Variants in SPATA16 observed in about 807,000 individuals in gnomAD.
SPATA16 encodes the protein spermatogenesis associated 16, also known as spermatogenesis-associated protein 16.
A neutral mutation model predicts 63.3 loss-of-function variants in SPATA16; 36 were observed. That is an observed-to-expected ratio of 0.57 (90% confidence interval 0.44 to 0.75). The LOEUF is 0.75. Ranked by LOEUF, SPATA16 falls within the 30% of genes least tolerant of loss-of-function variation. The pLI is 0.00. For missense variants in SPATA16, 646 were observed against 679.3 expected (o/e 0.95, Z 0.54); for synonymous variants, 203 against 216.7 (o/e 0.94, Z 0.56).
intron 6 of SPATA16, among the ~76,000 whole-genome samples, chr3:172,935,008 T>C (rs904641737): frequency 6.6e-6 from 1 of 151,916 alleles, no homozygotes; most frequent in African/African-American, 2.4e-5. Flanking sequence ...AGACCTGAAA[T>C]AAAAATGAGA....
chr3:172,905,146 C>A (rs1732206274), intron 10 of SPATA16, among the ~76,000 whole-genome samples: 1 of 152,138 alleles, frequency 6.6e-6, no homozygotes, highest in African/African-American at 2.4e-5. Context: ...TTGGAGCACA[C>A]ACACTGTAAA....
intron 6 of SPATA16, among the ~76,000 whole-genome samples, chr3:172,943,556 A>G (rs908634954): frequency 7.2e-5 from 11 of 152,302 alleles, no homozygotes; most frequent in African/African-American, 2.6e-4. Flanking sequence ...CCTGGCCAAC[A>G]TGGTGAAACC....
intron 5 of SPATA16, among the ~76,000 whole-genome samples, chr3:172,970,144 G>C (rs1734015308): frequency 6.6e-6 from 1 of 152,154 alleles, no homozygotes; most frequent in Admixed American, 6.5e-5. Flanking sequence ...AATTGAGTCA[G>C]CTTTGGAACT....
chr3:172,976,898 C>G, intron 5 of SPATA16, 70 bp downstream of exon 5: 1 of 1,249,148 alleles, frequency 8.0e-7, no homozygotes, highest in Non-Finnish European at 1.2e-6. Context: ...GTCTTTTAAG[C>G]ACCAATCTTT....
At chr3:172,940,672 T>G (rs919334330) in intron 6 of SPATA16, among the ~76,000 whole-genome samples, 1 of 152,182 alleles carries the variant, frequency 6.6e-6, no homozygotes, top group Admixed American at 6.5e-5. Flanking sequence ...CATGTACCTC[T>G]GAACTTAAAA....
At chr3:172,961,048 CTTCTTTCTTTCTTTCTT>C (rs1733758095) in intron 5 of SPATA16, among the ~76,000 whole-genome samples, 2 of 66,024 alleles carry the variant, frequency 3.0e-5, no homozygotes, top group South Asian at 5.2e-4. Context: ...TTCTTTCTTT[CTTCTTTCTTTCTTTCTT>C]CTTTCTTCCT....
intron 10 of SPATA16, among the ~76,000 whole-genome samples, chr3:172,891,289 G>A (rs376102575): frequency 2.0e-5 from 3 of 152,076 alleles, no homozygotes; most frequent in Admixed American, 6.6e-5. Flanking sequence ...TATCCATTAG[G>A]TATCTGCTGT....
Position 173,044,222 on chromosome 3 carries a change from G to C in SPATA16, c.758+4727C>G, listed in dbSNP as rs1735907515. Reference sequence around the variant, plus strand: ...TGAGACTTCAATTACATGTATGTTAGATTTCTTGTTACTATCCCTGAGGAC... The same window carrying C: ...TGAGACTTCAATTACATGTATGTTACATTTCTTGTTACTATCCCTGAGGAC... On this transcript the variant is annotated intron_variant, in intron 3 of 10. Coordinates refer to ENST00000351008, the MANE Select transcript of SPATA16 (RefSeq NM_031955.6). 2.0e-5 allele frequency among the ~76,000 whole-genome samples: 3 copies of C among 151,896 alleles called. No homozygotes were observed. The South Asian group carries it at 6.2e-4, about 32-fold the overall frequency.
chr3:173,041,314 A>T (rs934317646), intron 3 of SPATA16, among the ~76,000 whole-genome samples: 1 of 152,168 alleles, frequency 6.6e-6, no homozygotes, highest in African/African-American at 2.4e-5. Context: ...CTGTTTGCTT[A>T]TTTAATTGGA....
At chr3:173,026,152 C>A (rs1024055104) in intron 3 of SPATA16, among the ~76,000 whole-genome samples, 8 of 151,704 alleles carry the variant, frequency 5.3e-5, no homozygotes, top group Admixed American at 3.9e-4. Flanking sequence ...GATGGTATCT[C>A]ATTGTGGCTT....
At chr3:172,959,940 A>C (rs1484861060) in intron 5 of SPATA16, among the ~76,000 whole-genome samples, 1 of 151,302 alleles carries the variant, frequency 6.6e-6, no homozygotes, top group East Asian at 1.9e-4. Flanking sequence ...AGATACCAAA[A>C]GATTAAATTT....
In SPATA16 at chr3:173,023,137, A is replaced by ATGTGTTTGTGTGTG. The variant is rs1553794209; in HGVS notation, c.759-3563_759-3562insCACACACAAACACA. Among the ~76,000 whole-genome samples the ATGTGTTTGTGTGTG allele has an allele frequency of 1.8e-3, 245 of 139,960 alleles. 1 individual carries two copies. The highest frequency in any genetic ancestry group is 6.0e-3 in the African/African-American group (230 of 38,054). The allele number at this position is 139,960 out of a possible 152,430, so 91.8% of individuals were successfully genotyped here. On this transcript the variant is annotated intron_variant, in intron 3 of 10. Transcript: ENST00000351008. Reference sequence around the variant, plus strand: ...AGTTCACATGATTTGATGCTTGTGTATGTGTGTGTGTGTGTGTGTGTGTGT... The same window carrying ATGTGTTTGTGTGTG: ...AGTTCACATGATTTGATGCTTGTGTATGTGTTTGTGTGTGTGTGTGTGTGTGTGTGTGTGTGTGT...
At chr3:172,915,756 A>G (rs1247980301) in intron 9 of SPATA16, among the ~76,000 whole-genome samples, 1 of 151,902 alleles carries the variant, frequency 6.6e-6, no homozygotes, top group South Asian at 2.1e-4. Flanking sequence ...TTCTGAATAA[A>G]CTCATCAGTT....
intron 10 of SPATA16, among the ~76,000 whole-genome samples, chr3:172,900,673 C>A (rs1732108985): frequency 6.6e-6 from 1 of 151,784 alleles, no homozygotes; most frequent in Non-Finnish European, 1.5e-5. Context: ...TGGAGTCTCA[C>A]ACTGTTGCCC....
intron 1 of SPATA16, among the ~76,000 whole-genome samples, chr3:173,140,843 G>T (rs1447308531): frequency 6.6e-6 from 1 of 152,208 alleles, no homozygotes. Flanking sequence ...AGTGGGGAAG[G>T]ATAGGGTGAC....
chr3:172,955,351 A>G (rs1733543861), intron 6 of SPATA16, among the ~76,000 whole-genome samples: 3 of 152,204 alleles, frequency 2.0e-5, no homozygotes, highest in Admixed American at 6.5e-5. Flanking sequence ...TGCTAGATAG[A>G]TATGACTTTT....
intron 3 of SPATA16, among the ~76,000 whole-genome samples, chr3:173,046,404 G>A (rs972462588): frequency 3.9e-5 from 6 of 151,956 alleles, no homozygotes; most frequent in Non-Finnish European, 5.9e-5. Flanking sequence ...ATTTCAAAAC[G>A]TATCTCTGTT....
At chr3:173,137,170 C>T (rs1041312031) in intron 1 of SPATA16, among the ~76,000 whole-genome samples, 1 of 152,148 alleles carries the variant, frequency 6.6e-6, no homozygotes, top group Non-Finnish European at 1.5e-5. Context: ...GCAACACCTC[C>T]AGGTGGGAAT....
rs1412162301 is a variant in SPATA16, at chr3:173,122,485, T to G, written c.-18-4736A>C. Among the ~76,000 whole-genome samples the G allele has an allele frequency of 2.0e-5, 3 of 152,036 alleles. No homozygotes were observed. In the East Asian group the frequency reaches 5.8e-4, roughly 29 times the overall value. On this transcript the variant is annotated intron_variant, in intron 1 of 10. Transcript: ENST00000351008. Reference sequence around the variant, plus strand: ...AATGTGCTCTCTGAAACATTCGACATCACAGTTGCTATGGTTTTCTTTCTT... The same window carrying G: ...AATGTGCTCTCTGAAACATTCGACAGCACAGTTGCTATGGTTTTCTTTCTT...
Sources: gnomAD v4.1 joint callset for allele counts (sites outside exome capture counted in the v4.1 genomes callset) on GRCh38, gnomAD v4.1.1 for gene constraint, MANE v1.5 for transcripts, NCBI Gene and HGNC (gene_info 2026-07-23, HGNC 2026-07-21) for gene names.